The following MACF1 variants were observed in gnomAD, a reference collection of about 807,000 sequenced individuals.
MACF1 encodes microtubule actin crosslinking factor 1.
MACF1 carries 193 observed loss-of-function variants against 854.8 expected under a neutral mutation model. The ratio of observed to expected loss-of-function variants is 0.23; its 90% CI spans 0.20 to 0.25. MACF1 has a LOEUF of 0.25. Ranked by LOEUF, MACF1 falls within the 10% of genes least tolerant of loss-of-function variation. The pLI, the probability that MACF1 is intolerant of heterozygous loss-of-function variation, is 1.00. For synonymous variants in MACF1, 3,185 were observed against 3,226.7 expected, an observed-to-expected ratio of 0.99 and a Z score of 0.44; for missense variants, 7,722 against 8,929.1, an observed-to-expected ratio of 0.86 and a Z score of 5.45.
chr1:39,306,610 CTTT>C (rs35360749), intron 23 of MACF1, among the ~76,000 whole-genome samples: 10 of 124,470 alleles, frequency 8.0e-5, no homozygotes, highest in East Asian at 2.3e-4. Context: ...ACCATTCTAT[CTTT>C]TTTTTTTTTT....
At chr1:39,284,647 C>T (rs1206989920) in intron 11 of MACF1, among the ~76,000 whole-genome samples, 2 of 152,144 alleles carry the variant, frequency 1.3e-5, no homozygotes, top group Non-Finnish European at 2.9e-5. Flanking sequence ...TGAAAAATGA[C>T]ATGTATTTAT....
chr1:39,242,593 A>G (rs1200256372), intron 2 of MACF1, among the ~76,000 whole-genome samples: 5 of 151,786 alleles, frequency 3.3e-5, no homozygotes, highest in Admixed American at 2.6e-4. Context: ...TACAAAGAAT[A>G]GAAAAAACTA....
chr1:39,414,376 G>A (rs779753994), intron 58 of MACF1: 2 of 1,613,976 alleles, frequency 1.2e-6, no homozygotes, highest in Admixed American at 1.7e-5. Context: ...GTGGATCAAG[G>A]AGGACCTTGA....
At chr1:39,097,284 C>G (rs947629247) in intron 2 of MACF1, among the ~76,000 whole-genome samples, 7 of 152,128 alleles carry the variant, frequency 4.6e-5, no homozygotes, top group Middle Eastern at 3.2e-3. Flanking sequence ...GGTTCAGGCT[C>G]TATCCCCAGA....
rs1392867910 is a variant in MACF1, at chr1:39,388,290, A to G, written c.15448A>G (p.Arg5150Gly). Residue 5150 changes from arginine to glycine, a missense_variant, in exon 58 of 101, where the codon AGA (arginine) becomes GGA (glycine). This residue lies in a region of MACF1 where 2,807 missense variants were observed against 3,235.8 expected (regional missense o/e 0.87). Coordinates refer to ENST00000564288, the MANE Select transcript of MACF1 (RefSeq NM_001394062.1). ...GCTAGATGGCATGGGTGCTATTGGCAGAGACACTGATAGCCTCCAGTCCCA... is the reference window on the plus strand; with the variant it reads ...GCTAGATGGCATGGGTGCTATTGGCGGAGACACTGATAGCCTCCAGTCCCA... ...DELDGMGAIG[R>G]DTDSLQSQIE... 1 of 1,614,128 alleles carries G rather than the reference A, an allele frequency of 6.2e-7. No individual in the cohort carries two copies. The highest frequency in any genetic ancestry group is 8.5e-7 in the Non-Finnish European group (1 of 1,180,058).
chr1:39,319,474 A>G (rs1295791009), intron 30 of MACF1, among the ~76,000 whole-genome samples, 190 bp from the exon 31 acceptor site: 1 of 152,156 alleles, frequency 6.6e-6, no homozygotes. Context: ...AAAAAGTGCA[A>G]ATTTGTGAAC....
intron 93 of MACF1, among the ~76,000 whole-genome samples, chr1:39,462,328 C>T (rs1644569951): frequency 6.6e-6 from 1 of 152,148 alleles, no homozygotes; most frequent in Non-Finnish European, 1.5e-5. Flanking sequence ...CTGGTTCACT[C>T]GTCCTGTGTT....
intron 2 of MACF1, among the ~76,000 whole-genome samples, chr1:39,155,926 C>T (rs1404924898): frequency 6.7e-5 from 10 of 148,502 alleles, no homozygotes; most frequent in Admixed American, 1.3e-4. Flanking sequence ...CTTGCTCTGT[C>T]GCCCAGGCTG....
At chr1:39,435,451 C>T (rs191951092) in intron 69 of MACF1, 107 bp from the exon 70 acceptor site, 16 of 923,626 alleles carry the variant, frequency 1.7e-5, no homozygotes, top group Non-Finnish European at 1.7e-6. Context: ...TGGTTTTTAA[C>T]AATTTTGTTT....
At chr1:39,380,154 A>G (rs1650051747) in intron 54 of MACF1, 90 bp from the exon 55 acceptor site, 10 of 1,355,556 alleles carry the variant, frequency 7.4e-6, no homozygotes, top group Non-Finnish European at 7.2e-6. Flanking sequence ...AGTCTATAAT[A>G]ACTGCCCAGT....
intron 2 of MACF1, among the ~76,000 whole-genome samples, chr1:39,124,133 A>G (rs1465513256): frequency 7.0e-6 from 1 of 142,660 alleles, no homozygotes; most frequent in Non-Finnish European, 1.5e-5. Context: ...TGATCCGCCC[A>G]CCTTGGCCTC....
chr1:39,268,301 G>C (rs1557553648), intron 6 of MACF1, among the ~76,000 whole-genome samples: 1 of 151,712 alleles, frequency 6.6e-6, no homozygotes, highest in African/African-American at 2.4e-5. Flanking sequence ...TCCTCCTCCT[G>C]GCCCTCCCTA....
At chr1:39,296,785 AAAGAAAGG>A (rs1424890295) in intron 20 of MACF1, among the ~76,000 whole-genome samples, 1 of 58,280 alleles carries the variant, frequency 1.7e-5, no homozygotes, top group African/African-American at 7.0e-5. Context: ...AGAAAGAAAG[AAAGAAAGG>A]AAGGAAGGAA....
intron 31 of MACF1, among the ~76,000 whole-genome samples, chr1:39,320,212 T>C (rs1646488466): frequency 6.6e-6 from 1 of 152,178 alleles, no homozygotes; most frequent in Non-Finnish European, 1.5e-5. Flanking sequence ...CTCCCCTCTA[T>C]TTCCCTAGTT....
chr1:39,296,990 C>G (rs1645932467), intron 20 of MACF1, among the ~76,000 whole-genome samples: 1 of 151,934 alleles, frequency 6.6e-6, no homozygotes, highest in Non-Finnish European at 1.5e-5. Context: ...GTGGCACGAT[C>G]TCTGCTCACT....
In MACF1 at chr1:39,116,271, G is replaced by A. The variant is rs536400630; in HGVS notation, c.220+31833G>A. On this transcript the variant is annotated intron_variant, in intron 2 of 93. Coordinates refer to the MACF1 transcript ENST00000361689. The stretch of plus-strand genomic sequence containing the variant: ...AGAATGCAGGTGATTAAGTTGGTTG[G>A]TTAGAGGTGTAGGAACTTGAGGGAA... Among the ~76,000 whole-genome samples the A allele has an allele frequency of 5.5e-4, 84 of 152,296 alleles. 1 individual carries two copies. The highest frequency in any genetic ancestry group is 2.0e-3 in the African/African-American group (83 of 41,570).
At chr1:39,245,470 G>T (rs770580580) in intron 2 of MACF1, among the ~76,000 whole-genome samples, 3 of 152,094 alleles carry the variant, frequency 2.0e-5, no homozygotes, top group Non-Finnish European at 4.4e-5. Context: ...GTGGAGACAG[G>T]GTTTTGTCAT....
At position 39,331,967 on chromosome 1, in the gene MACF1, T is replaced by C; in HGVS notation, c.5379T>C (p.Asn1793=). The C allele has an allele frequency of 6.2e-7, 1 of 1,614,056 alleles. No individual in the cohort carries two copies. Among genetic ancestry groups the C allele is most frequent in the Non-Finnish European group, 8.5e-7 (1 of 1,180,008 alleles). The change falls in exon 37 of 101, where the codon AAT becomes AAC. Residue 1793 remains asparagine, a synonymous_variant. Coordinates refer to ENST00000564288, the MANE Select transcript of MACF1 (RefSeq NM_001394062.1). ...RLTVEEAVRH[N]LIDQDMACAI... is the part of the protein sequence containing the mutation. ...CAGTGGAAGAGGCTGTAAGACATAA[T>C]CTGATTGACCAAGATATGGCCTGTG...
intron 2 of MACF1, among the ~76,000 whole-genome samples, chr1:39,117,289 C>G (rs745312977): frequency 7.9e-5 from 12 of 152,022 alleles, no homozygotes; most frequent in Non-Finnish European, 1.3e-4. Context: ...TTAGGGCCAG[C>G]TCAGAATTGA....
Sources: gnomAD v4.1 joint callset for allele counts (sites outside exome capture counted in the v4.1 genomes callset) on GRCh38, gnomAD v4.1.1 for gene constraint, gnomAD v4.1.1 regional missense constraint, MANE v1.5 for transcripts, NCBI Gene and HGNC (gene_info 2026-07-23, HGNC 2026-07-21) for gene names.